The following PLEKHH2 variants were observed in gnomAD, a reference collection of about 807,000 sequenced individuals.
PLEKHH2 encodes pleckstrin homology domain-containing family H member 2.
Under a neutral mutation model 187.9 loss-of-function variants are expected in PLEKHH2, and 129 were observed. The ratio of observed to expected loss-of-function variants is 0.69; its 90% CI spans 0.59 to 0.79. PLEKHH2 has a LOEUF of 0.79. Ranked by LOEUF, PLEKHH2 falls within the 30% of genes least tolerant of loss-of-function variation. PLEKHH2 has a pLI of 0.00. For missense variants in PLEKHH2, 2,076 were observed against 1,751.2 expected, an observed-to-expected ratio of 1.19 and a Z score of -3.31; for synonymous variants, 686 against 605.6, an observed-to-expected ratio of 1.13 and a Z score of -1.95.
rs773559760 is a variant in PLEKHH2, at chr2:43,644,709, T to C, written c.36T>C (p.Asp12=). Residue 12 remains aspartate, a synonymous_variant, in exon 2 of 30, where the codon GAT becomes GAC. Coordinates refer to ENST00000282406, the MANE Select transcript of PLEKHH2 (RefSeq NM_172069.4). ...AELSEPEGPV[D]WKERCVALES... ...TTTCTGAGCCAGAGGGACCAGTAGA[T>C]TGGAAGGAACGATGTGTAGCTCTGG... is the stretch of plus-strand genomic sequence containing the variant. The C allele has an allele frequency of 6.8e-6, 11 of 1,607,762 alleles. No individual in the cohort carries two copies. The highest frequency in any genetic ancestry group is 6.6e-5 in the South Asian group (6 of 90,326).
At chr2:43,740,761 A>G in intron 20 of PLEKHH2, 185 bp from the exon 21 acceptor site, 1 of 1,104,602 alleles carries the variant, frequency 9.1e-7, no homozygotes, top group Non-Finnish European at 1.2e-6. Context: ...TGGATCATAG[A>G]TCTGACCCAA....
intron 11 of PLEKHH2, among the ~76,000 whole-genome samples, chr2:43,708,040 C>A (rs1266671331): frequency 2.0e-5 from 3 of 152,162 alleles, no homozygotes; most frequent in Non-Finnish European, 4.4e-5. Flanking sequence ...CACCAAATGA[C>A]ATCTGTATGT....
At position 43,725,153 on chromosome 2, in the gene PLEKHH2, T is replaced by G. The variant is rs150114875; in HGVS notation, c.2542-1119T>G. ...GGTTTAGTTGGAACCAGGTGTGCTA[T>G]CTGTACAGAGCAGAGTTTTTTTTAT... On this transcript the variant is annotated intron_variant, in intron 16 of 29. Transcript: ENST00000282406. Among the ~76,000 whole-genome samples the G allele has an allele frequency of 6.4e-4, 97 of 152,310 alleles. 1 individual carries two copies. Among genetic ancestry groups the G allele is most frequent in the Non-Finnish European group, 1.3e-3 (86 of 68,030 alleles).
At chr2:43,688,162 G>C (rs1408774824) in intron 3 of PLEKHH2, among the ~76,000 whole-genome samples, 8 of 152,062 alleles carry the variant, frequency 5.3e-5, no homozygotes, top group Admixed American at 5.2e-4. Flanking sequence ...CACAGCAAAA[G>C]AAACTATCAA....
At chr2:43,640,911 G>A (rs1255385354) in intron 1 of PLEKHH2, among the ~76,000 whole-genome samples, 2 of 149,966 alleles carry the variant, frequency 1.3e-5, no homozygotes, top group East Asian at 3.9e-4. Flanking sequence ...CAACCCCCAA[G>A]TAGCTGGGAC....
chr2:43,672,946 T>C (rs1667559905), intron 2 of PLEKHH2, among the ~76,000 whole-genome samples: 2 of 152,218 alleles, frequency 1.3e-5, no homozygotes, highest in South Asian at 4.1e-4. Flanking sequence ...GATTGCAACA[T>C]TCATTACTGC....
At chr2:43,656,257 T>A (rs1321697968) in intron 2 of PLEKHH2, among the ~76,000 whole-genome samples, 2 of 152,146 alleles carry the variant, frequency 1.3e-5, no homozygotes, top group Non-Finnish European at 2.9e-5. Context: ...GTGCCCAGCC[T>A]ATCTTAACAA....
chr2:43,708,094 A>C (rs1042192145), intron 11 of PLEKHH2, among the ~76,000 whole-genome samples: 3 of 152,160 alleles, frequency 2.0e-5, no homozygotes, highest in East Asian at 1.9e-4. Context: ...GTTGGCTTTC[A>C]AACTGTGTTC....
chr2:43,739,395 A>G (rs563395891), intron 20 of PLEKHH2, among the ~76,000 whole-genome samples: 17 of 152,308 alleles, frequency 1.1e-4, no homozygotes, highest in Middle Eastern at 3.4e-3. Context: ...TTACTCTTCA[A>G]TGAACACCTG....
intron 3 of PLEKHH2, among the ~76,000 whole-genome samples, chr2:43,683,458 A>G (rs1318610292): frequency 6.6e-6 from 1 of 151,654 alleles, no homozygotes; most frequent in African/African-American, 2.4e-5. Flanking sequence ...TTTGTTTTTA[A>G]TAGTTAGTTT....
At chr2:43,686,965 C>G (rs1668550992) in intron 3 of PLEKHH2, among the ~76,000 whole-genome samples, 1 of 103,426 alleles carries the variant, frequency 9.7e-6, no homozygotes, top group East Asian at 2.0e-4. Context: ...CATGTCCCCC[C>G]TTCTCTCTAT....
chr2:43,743,950 T>C lies in PLEKHH2; in HGVS notation c.3516T>C (p.Ser1172=), dbSNP rs1279084304. Residue 1172 remains serine, a synonymous_variant, in exon 23 of 30, where the codon TCT becomes TCC. Coordinates refer to ENST00000282406, the MANE Select transcript of PLEKHH2 (RefSeq NM_172069.4). ...SGFALFTDDP[S]GRDLEHCLQG... ...TTGCGTTGTTCACTGACGATCCTTC[T>C]GGCAGAGATTTAGAGCATTGTCTTC... 2 of 1,614,034 alleles carry C rather than the reference T, an allele frequency of 1.2e-6. No homozygotes were observed. The highest frequency in any genetic ancestry group is 2.2e-5 in the East Asian group (1 of 44,896).
chr2:43,707,875 G>A (rs756090843), intron 11 of PLEKHH2, among the ~76,000 whole-genome samples: 1 of 152,056 alleles, frequency 6.6e-6, no homozygotes, highest in East Asian at 1.9e-4. Context: ...AGCTAAAGTT[G>A]TTACACTGCT....
At chr2:43,639,356 C>T (rs138185807) in intron 1 of PLEKHH2, among the ~76,000 whole-genome samples, 3,660 of 152,186 alleles carry the variant, frequency 0.024, 71 homozygotes, top group African/African-American at 0.04. Flanking sequence ...TAGCCATCAC[C>T]AATATCTAAT....
rs561724735 is a variant in PLEKHH2, at chr2:43,638,647, A to G, written c.-4+1268A>G. Among the ~76,000 whole-genome samples, 58 of 152,212 alleles carry G rather than the reference A, an allele frequency of 3.8e-4. No homozygotes were observed. The South Asian group carries it at 0.012, about 32-fold the overall frequency. On this transcript the variant is annotated intron_variant, in intron 1 of 29. Transcript: ENST00000282406. The stretch of plus-strand genomic sequence containing the variant: ...TTCAAATTCAGAATCTATATGTGGT[A>G]TTTTCTTTATTTAGCAGTCGGCTAT...
intron 1 of PLEKHH2, among the ~76,000 whole-genome samples, chr2:43,640,555 C>T (rs1011625490): frequency 3.3e-5 from 5 of 152,238 alleles, no homozygotes; most frequent in Non-Finnish European, 5.9e-5. Context: ...TTTACATTCC[C>T]ACCAACAATG....
intron 3 of PLEKHH2, among the ~76,000 whole-genome samples, chr2:43,688,988 G>T (rs529451991): frequency 6.8e-6 from 1 of 147,400 alleles, no homozygotes; most frequent in South Asian, 2.2e-4. Flanking sequence ...ATAAATTTTG[G>T]CCCAGGGCCC....
intron 15 of PLEKHH2, among the ~76,000 whole-genome samples, chr2:43,714,397 T>A (rs1174549582): frequency 2.0e-5 from 3 of 152,172 alleles, no homozygotes; most frequent in Non-Finnish European, 4.4e-5. Context: ...TTCCTGCCAT[T>A]TGTGCTTGTC....
chr2:43,692,919 T>A (rs1411348910), intron 4 of PLEKHH2, among the ~76,000 whole-genome samples: 1 of 152,192 alleles, frequency 6.6e-6, no homozygotes, highest in East Asian at 1.9e-4. Context: ...CATTTGAGTT[T>A]ATTTATTTAT....
Sources: allele counts gnomAD v4.1 joint callset (sites outside exome capture counted in the v4.1 genomes callset), GRCh38; gene constraint gnomAD v4.1.1; transcripts MANE v1.5; gene names NCBI Gene and HGNC (gene_info 2026-07-23, HGNC 2026-07-21).